Variants in ST6GALNAC5 observed in about 807,000 individuals in gnomAD.
The protein encoded by ST6GALNAC5 is alpha-N-acetylgalactosaminide alpha-2,6-sialyltransferase 5.
Under a neutral mutation model 33.6 loss-of-function variants are expected in ST6GALNAC5, and 27 were observed. The observed-to-expected ratio is 0.80, with a 90% CI of 0.59 to 1.11. The LOEUF (loss-of-function observed/expected upper bound fraction) is 1.11, where lower values mean the gene tolerates loss of function less well. Among genes scored for constraint, ST6GALNAC5 ranks in the 50% least tolerant of loss-of-function variants. The probability of loss-of-function intolerance (pLI) is 0.00; values close to 1 mark genes in which losing one functional copy is unlikely to be tolerated. For synonymous variants in ST6GALNAC5, 194 were observed against 171.2 expected (o/e 1.13, Z -1.04); for missense variants, 428 against 454.0 (o/e 0.94, Z 0.52).
intron 2 of ST6GALNAC5, among the ~76,000 whole-genome samples, chr1:76,956,427 C>T (rs1647983105): frequency 6.6e-6 from 1 of 152,160 alleles, no homozygotes; most frequent in African/African-American, 2.4e-5. Context: ...AGAGGTAGAA[C>T]CTGAATTCAG....
intron 2 of ST6GALNAC5, among the ~76,000 whole-genome samples, chr1:76,929,239 C>T (rs1193621961): frequency 6.6e-6 from 1 of 151,926 alleles, no homozygotes; most frequent in Non-Finnish European, 1.5e-5. Context: ...AAAAAGTAAA[C>T]TAAAATACTG....
chr1:76,885,469 T>C (rs1653872021), intron 2 of ST6GALNAC5, among the ~76,000 whole-genome samples: 1 of 152,218 alleles, frequency 6.6e-6, no homozygotes, highest in Non-Finnish European at 1.5e-5. Context: ...TAAATGTACT[T>C]CCTTCTAGTT....
At chr1:76,944,262 A>G (rs1383098953) in intron 2 of ST6GALNAC5, among the ~76,000 whole-genome samples, 1 of 152,114 alleles carries the variant, frequency 6.6e-6, no homozygotes, top group Non-Finnish European at 1.5e-5. Flanking sequence ...GAGAGAATAG[A>G]TGGTTATTAT....
At chr1:76,982,748 AG>A (rs1306468424) in intron 2 of ST6GALNAC5, among the ~76,000 whole-genome samples, 1 of 152,192 alleles carries the variant, frequency 6.6e-6, no homozygotes, top group African/African-American at 2.4e-5. Context: ...AAAAAGTATA[AG>A]GGCAGCCAGA....
chr1:76,951,844 C>A (rs1284047944), intron 2 of ST6GALNAC5, among the ~76,000 whole-genome samples: 1 of 152,000 alleles, frequency 6.6e-6, no homozygotes, highest in Non-Finnish European at 1.5e-5. Flanking sequence ...TATAGCTAAC[C>A]TATGGGTGCA....
At position 77,063,245 on chromosome 1, in the gene ST6GALNAC5, G is replaced by C; in HGVS notation, c.*39G>C. 1.9e-6 allele frequency: 3 copies of C among 1,574,790 alleles called. No homozygotes were observed. The highest frequency in any genetic ancestry group is 2.2e-5 in the South Asian group (2 of 89,728). On this transcript the variant is annotated 3_prime_UTR_variant, in exon 5 of 5. Transcript: ENST00000477717. ...CAGACTGTAATCCCAGGTATTCACT[G>C]CATCAGACACCGAGACACTGAACTT...
Position 76,973,446 on chromosome 1 carries a change from A to C in ST6GALNAC5, c.262-70758A>C, listed in dbSNP as rs531037631. On this transcript the variant is annotated intron_variant, in intron 2 of 4. Coordinates refer to ENST00000477717, the MANE Select transcript of ST6GALNAC5 (RefSeq NM_030965.3). ...TATTATTATTATTATTATTATTATT[A>C]TTCAGGCAAGTAATTGGCCCATCTA... is the stretch of plus-strand genomic sequence containing the variant. 1.1e-3 allele frequency among the ~76,000 whole-genome samples: 147 copies of C among 130,446 alleles called. 2 individuals carry two copies. The South Asian group carries it at 0.035, about 31-fold the overall frequency. 85.6% of individuals were successfully genotyped at this position (130,446 alleles called of 152,430 possible).
intron 2 of ST6GALNAC5, among the ~76,000 whole-genome samples, chr1:76,873,055 G>A (rs976563341): frequency 1.3e-5 from 2 of 152,194 alleles, no homozygotes; most frequent in African/African-American, 4.8e-5. Context: ...CTATCCTCCT[G>A]TAAATGGCAG....
intron 2 of ST6GALNAC5, among the ~76,000 whole-genome samples, chr1:76,985,889 A>T (rs1289365824): frequency 6.6e-6 from 1 of 152,236 alleles, no homozygotes; most frequent in Non-Finnish European, 1.5e-5. Context: ...CAAACCTGAC[A>T]AAAACAAGAA....
intron 2 of ST6GALNAC5, among the ~76,000 whole-genome samples, chr1:77,038,213 T>A (rs1270642091): frequency 6.6e-6 from 1 of 152,158 alleles, no homozygotes; most frequent in Non-Finnish European, 1.5e-5. Context: ...CAGAAAGACT[T>A]CTTGGCAGTG....
chr1:76,921,896 C>T (rs934318241), intron 2 of ST6GALNAC5, among the ~76,000 whole-genome samples: 10 of 152,110 alleles, frequency 6.6e-5, no homozygotes, highest in African/African-American at 2.2e-4. Flanking sequence ...ACCCTTACAG[C>T]ATATATCATA....
At chr1:76,968,721 G>A (rs1648608783) in intron 2 of ST6GALNAC5, among the ~76,000 whole-genome samples, 1 of 152,184 alleles carries the variant, frequency 6.6e-6, no homozygotes, top group Non-Finnish European at 1.5e-5. Context: ...TCTGGTACAG[G>A]TTGTTCCTTT....
chr1:76,957,012 A>G lies in ST6GALNAC5; in HGVS notation c.262-87192A>G, dbSNP rs534731910. Among the ~76,000 whole-genome samples the G allele has an allele frequency of 4.6e-5, 7 of 152,142 alleles. No individual in the cohort carries two copies. The South Asian group carries it at 1.5e-3, about 32-fold the overall frequency. On this transcript the variant is annotated intron_variant, in intron 2 of 4. Coordinates refer to ENST00000477717, the MANE Select transcript of ST6GALNAC5 (RefSeq NM_030965.3). ...TATTTTATTTATTTTTATTTTACCC[A>G]ACTTGTAATTTTGAAATAACTCAAA...
intron 2 of ST6GALNAC5, among the ~76,000 whole-genome samples, chr1:76,961,418 T>C (rs1260292973): frequency 6.6e-6 from 1 of 152,114 alleles, no homozygotes; most frequent in African/African-American, 2.4e-5. Flanking sequence ...AACGTGAAAA[T>C]TGGGTGATGT....
intron 2 of ST6GALNAC5, among the ~76,000 whole-genome samples, chr1:76,972,248 T>C (rs1648788852): frequency 6.6e-6 from 1 of 152,144 alleles, no homozygotes; most frequent in Non-Finnish European, 1.5e-5. Context: ...CCATCAGCTC[T>C]TGTGAGACTT....
intron 2 of ST6GALNAC5, among the ~76,000 whole-genome samples, chr1:77,008,957 A>C (rs1021170987): frequency 5.9e-5 from 9 of 152,214 alleles, no homozygotes; most frequent in African/African-American, 1.9e-4. Context: ...CCACCCTAGC[A>C]CCAATCCTAG....
chr1:76,914,050 C>G (rs1279600766), intron 2 of ST6GALNAC5, among the ~76,000 whole-genome samples: 2 of 152,112 alleles, frequency 1.3e-5, no homozygotes, highest in Admixed American at 1.3e-4. Flanking sequence ...ACACCAATAA[C>G]AGACAGAGAG....
chr1:77,004,177 G>T (rs926533933), intron 2 of ST6GALNAC5, among the ~76,000 whole-genome samples: 5 of 151,796 alleles, frequency 3.3e-5, no homozygotes, highest in African/African-American at 1.2e-4. Flanking sequence ...ATTTCTTGGA[G>T]GCTTTTCTCA....
At chr1:76,935,947 C>G (rs1180986120) in intron 2 of ST6GALNAC5, among the ~76,000 whole-genome samples, 2 of 151,950 alleles carry the variant, frequency 1.3e-5, no homozygotes, top group African/African-American at 4.8e-5. Flanking sequence ...TATAACATCT[C>G]AGGAATACTT....
Sources: allele counts gnomAD v4.1 joint callset (sites outside exome capture counted in the v4.1 genomes callset), GRCh38; gene constraint gnomAD v4.1.1; transcripts MANE v1.5; gene names NCBI Gene and HGNC (gene_info 2026-07-23, HGNC 2026-07-21).